The following FLYWCH1 variants were observed in gnomAD, a reference collection of about 807,000 sequenced individuals.
The protein encoded by FLYWCH1 is FLYWCH-type zinc finger 1.
In FLYWCH1, 75 loss-of-function variants were observed where a neutral mutation model predicts 66.4. The observed-to-expected ratio is 1.13, with a 90% CI of 0.94 to 1.37. The LOEUF (loss-of-function observed/expected upper bound fraction) is 1.37. Among genes scored for constraint, FLYWCH1 ranks in the 40% most tolerant of loss-of-function variants. FLYWCH1 has a pLI of 0.00. For missense variants in FLYWCH1, 1,334 were observed against 1,001.8 expected (o/e 1.33, Z -4.48); for synonymous variants, 595 against 429.9 (o/e 1.38, Z -4.75).
chr16:2,944,112 C>A (rs982146161), intron 9 of FLYWCH1, among the ~76,000 whole-genome samples: 1 of 151,958 alleles, frequency 6.6e-6, no homozygotes, highest in Non-Finnish European at 1.5e-5. Context: ...AAAAGTAGAG[C>A]ACGACAGCTC....
chr16:2,940,195 A>G, intron 9 of FLYWCH1, 103 bp downstream of exon 9: 5 of 675,250 alleles, frequency 7.4e-6, no homozygotes, highest in South Asian at 1.7e-5. Context: ...GGTCAACATT[A>G]TGGGAGTGGT....
chr16:2,938,008 G>A (rs2071089021), intron 7 of FLYWCH1, among the ~76,000 whole-genome samples, 176 bp from the exon 8 acceptor site: 1 of 152,176 alleles, frequency 6.6e-6, no homozygotes, highest in African/African-American at 2.4e-5. Context: ...GAAAGGGCCA[G>A]CCAGCGTGGG....
intron 4 of FLYWCH1, 36 bp from the exon 5 acceptor site, chr16:2,933,094 C>T (rs375567928): frequency 6.5e-5 from 103 of 1,580,350 alleles, no homozygotes; most frequent in Non-Finnish European, 8.0e-5. Flanking sequence ...CTCCTCTCCA[C>T]CCCTGGTGAT....
At position 2,938,205 on chromosome 16, in the gene FLYWCH1, TCCTGAGGACTTC is replaced by T; in HGVS notation, c.1804_1815del (p.Arg602_Leu605del). 1 of 1,612,932 alleles carries T rather than the reference TCCTGAGGACTTC, an allele frequency of 6.2e-7. No individual in the cohort carries two copies. Among genetic ancestry groups the T allele is most frequent in the South Asian group, 1.1e-5 (1 of 91,026 alleles). On this transcript the variant is annotated inframe_deletion, in exon 8 of 10. Coordinates refer to ENST00000253928, the MANE Select transcript of FLYWCH1 (RefSeq NM_001308068.2). Reference sequence around the variant, plus strand: ...TCAGATCCTCTCCGGCCCCTGGAGTTCCTGAGGACTTCCCTGGGGGGCAGGTTCCTGGTGCAC... The same window carrying T: ...TCAGATCCTCTCCGGCCCCTGGAGTTCCTGGGGGGCAGGTTCCTGGTGCAC...
chr16:2,940,294 C>T, intron 9 of FLYWCH1: 1 of 520,444 alleles, frequency 1.9e-6, no homozygotes, highest in South Asian at 2.4e-5. Context: ...GCTGGAGGCC[C>T]TGCTCCTCAC....
At position 2,933,979 on chromosome 16, in the gene FLYWCH1, G is replaced by C; in HGVS notation, c.1513G>C (p.Gly505Arg). 6.6e-7 allele frequency: 1 copy of C among 1,521,852 alleles called. No individual in the cohort carries two copies. Among genetic ancestry groups the C allele is most frequent in the African/African-American group, 1.4e-5 (1 of 72,796 alleles). The allele number at this position is 1,521,852 out of a possible 1,614,324, so 94.3% of individuals were successfully genotyped here. A position where few individuals can be genotyped will look rare whatever the true frequency, so the allele number is the denominator to read the frequency against. Residue 505 changes from glycine to arginine, a missense_variant and splice_region_variant, in exon 6 of 10, where the codon GGA becomes CGA. Transcript: ENST00000253928. The stretch of plus-strand genomic sequence containing the variant: ...CAACACGGCGCAGCGGGGGAGCCCA[G>C]GTACCTGGGGGTGGGCTGGGAGCTG... ...RPNTAQRGSP[G>R]GPEFLKTPLG...
In FLYWCH1 at chr16:2,930,511, G is replaced by A; in HGVS notation, c.427G>A (p.Val143Met). 1.3e-6 allele frequency: 2 copies of A among 1,540,470 alleles called. No homozygotes were observed. The highest frequency in any genetic ancestry group is 2.5e-5 in the South Asian group (2 of 81,264). ...GCAGGAGAAGGCAGTGGGGGACAAG[G>A]TGTACTGGAAGTGCCGCCAACATGC... ...YKQEKAVGDK[V>M]YWKCRQHAEL... The change falls in exon 4 of 10, where the codon GTG (valine) becomes ATG (methionine). Residue 143 changes from valine to methionine, a missense_variant. Physicochemically the swap from Val to Met is conservative, Grantham distance 21 (BLOSUM62 1). Coordinates refer to ENST00000253928, the MANE Select transcript of FLYWCH1 (RefSeq NM_001308068.2).
chr16:2,912,697 TG>T (rs1484989862), intron 1 of FLYWCH1, among the ~76,000 whole-genome samples: 2 of 152,214 alleles, frequency 1.3e-5, no homozygotes, highest in Non-Finnish European at 2.9e-5. Flanking sequence ...CAGCTGGATC[TG>T]TTCGGATTAA....
intron 6 of FLYWCH1, 127 bp from the exon 7 acceptor site, chr16:2,936,994 T>C: frequency 4.2e-6 from 5 of 1,184,902 alleles, no homozygotes; most frequent in Non-Finnish European, 2.3e-6. Flanking sequence ...ATCTGTGTCC[T>C]GGGCTCCGGG....
intron 9 of FLYWCH1, among the ~76,000 whole-genome samples, chr16:2,941,519 G>A (rs1027963813): frequency 3.3e-5 from 5 of 151,906 alleles, no homozygotes; most frequent in Admixed American, 2.0e-4. Flanking sequence ...GATTGAGGCT[G>A]CAGTGAAGCA....
At position 2,938,431 on chromosome 16, in the gene FLYWCH1, C is replaced by G. The variant is rs368311750; in HGVS notation, c.2025C>G (p.Pro675=). ...CCTTGAGGCAACGGGAGCGGCTCCC[C>G]ACCACGGCCCAGCAGGAGGACCCAG... is the stretch of plus-strand genomic sequence containing the variant. The part of the protein sequence containing the change: ...LEALRQRERL[P]TTAQQEDPEK... The change falls in exon 8 of 10, where the codon CCC becomes CCG. Residue 675 remains proline (P), a synonymous_variant. Transcript: ENST00000253928. The G allele has an allele frequency of 6.5e-7, 1 of 1,528,692 alleles. No homozygotes were observed. Among genetic ancestry groups the G allele is most frequent in the South Asian group, 1.3e-5 (1 of 77,468 alleles). The allele number at this position is 1,528,692 out of a possible 1,614,324, so 94.7% of individuals were successfully genotyped here.
intron 2 of FLYWCH1, among the ~76,000 whole-genome samples, chr16:2,918,500 G>A (rs2070254070): frequency 6.6e-6 from 1 of 150,634 alleles, no homozygotes; most frequent in African/African-American, 2.5e-5. Flanking sequence ...GAGTGCAATG[G>A]CAGGATCTTG....
rs113497656 is a variant in FLYWCH1 at position 2,924,519 on chromosome 16, C to G, written c.-73-5094C>G. ...AGGCATCTAAGAGACTGCTGGGCTG[C>G]AGGGTACAAGGTGGTTTCCCTGAAT... is the stretch of plus-strand genomic sequence containing the variant. On this transcript the variant is annotated intron_variant, in intron 2 of 9. Transcript: ENST00000253928. Among the ~76,000 whole-genome samples, 1,486 of 152,310 alleles carry G rather than the reference C, an allele frequency of 9.8e-3. 35 individuals are homozygous for G. Among genetic ancestry groups the G allele is most frequent in the African/African-American group, 0.034 (1,413 of 41,566 alleles).
At chr16:2,935,788 T>TTTTA (rs954308004) in intron 6 of FLYWCH1, 1 of 152,266 alleles carries the variant, frequency 6.6e-6, no homozygotes, top group Non-Finnish European at 1.5e-5. Flanking sequence ...CTGGGGGCCT[T>TTTTA]TTTAGGCTTT....
Position 2,933,196 on chromosome 16 carries a change from TC to T in FLYWCH1, c.865del (p.Leu289SerfsTer35). On this transcript the variant is annotated frameshift_variant, in exon 5 of 10. Coordinates refer to ENST00000253928, the MANE Select transcript of FLYWCH1 (RefSeq NM_001308068.2). LOFTEE classifies it high-confidence loss of function. ...GGCAGCTTCCTGGTACACGAGTCGTTCCTCTACAAGCGGGAGAAGGCTGTCG... is the reference window on the plus strand; with the variant it reads ...GGCAGCTTCCTGGTACACGAGTCGTTCTCTACAAGCGGGAGAAGGCTGTCG... Reference protein sequence around the residue: ...YGGSFLVHESFLYKREKAVGD... With the variant: ...YGGSFLVHESXLYKREKAVGD... The T allele has an allele frequency of 2.5e-6, 4 of 1,613,558 alleles. No homozygotes were observed. The highest frequency in any genetic ancestry group is 3.4e-6 in the Non-Finnish European group (4 of 1,179,772).
rs199847169 is a variant in FLYWCH1 at position 2,938,193 on chromosome 16, G to C, written c.1787G>C (p.Arg596Pro). 9 of 1,612,160 alleles carry C rather than the reference G, an allele frequency of 5.6e-6. No individual in the cohort carries two copies. The highest frequency in any genetic ancestry group is 5.9e-6 in the Non-Finnish European group (7 of 1,179,464). ...LAQWDSPDPL[R>P]PLEFLRTSLG... Reference sequence around the variant, plus strand: ...TCACTTTCCCTTTCAGATCCTCTCCGGCCCCTGGAGTTCCTGAGGACTTCC... The same window carrying C: ...TCACTTTCCCTTTCAGATCCTCTCCCGCCCCTGGAGTTCCTGAGGACTTCC... The change falls in exon 8 of 10, where the codon CGG becomes CCG. Residue 596 changes from arginine to proline, a missense_variant. Physicochemically the swap from Arg to Pro is moderately radical, Grantham distance 103. Coordinates refer to ENST00000253928, the MANE Select transcript of FLYWCH1 (RefSeq NM_001308068.2).
chr16:2,945,173 A>G (rs1019527924), intron 9 of FLYWCH1, among the ~76,000 whole-genome samples: 11 of 151,614 alleles, frequency 7.3e-5, no homozygotes, highest in Non-Finnish European at 2.9e-5. Context: ...AACGTGAAGA[A>G]ACTCCATCTC....
At chr16:2,927,591 G>A (rs2070615189) in intron 2 of FLYWCH1, among the ~76,000 whole-genome samples, 2 of 152,196 alleles carry the variant, frequency 1.3e-5, no homozygotes, top group South Asian at 4.1e-4. Flanking sequence ...GGTTGCTTTA[G>A]GAGGACAAGT....
intron 4 of FLYWCH1, among the ~76,000 whole-genome samples, chr16:2,931,201 A>G (rs9302810): frequency 0.61 from 92,383 of 150,778 alleles, 28,960 homozygotes; most frequent in African/African-American, 0.74. Flanking sequence ...TACTCAGGAG[A>G]CTGAGGCAGG....
Sources: allele counts gnomAD v4.1 joint callset (sites outside exome capture counted in the v4.1 genomes callset), GRCh38; gene constraint gnomAD v4.1.1; transcripts MANE v1.5; gene names NCBI Gene and HGNC (gene_info 2026-07-23, HGNC 2026-07-21).